Variants in IL20RB observed in about 807,000 individuals in gnomAD.
IL20RB encodes interleukin-20 receptor subunit beta.
In IL20RB, 21 loss-of-function variants were observed where a neutral mutation model predicts 33.3. The ratio of observed to expected loss-of-function variants is 0.63; its 90% CI spans 0.45 to 0.91. The LOEUF is 0.91. IL20RB is among the 40% of genes least tolerant of loss of function. The pLI is 0.00. For missense variants in IL20RB, 345 were observed against 384.8 expected, an observed-to-expected ratio of 0.90 and a Z score of 0.86; for synonymous variants, 147 against 146.8, an observed-to-expected ratio of 1.00 and a Z score of -0.01.
At chr3:136,980,126 C>T (rs1941730995) in intron 1 of IL20RB, among the ~76,000 whole-genome samples, 1 of 151,892 alleles carries the variant, frequency 6.6e-6, no homozygotes, top group Admixed American at 6.6e-5. Context: ...AGCACATGGT[C>T]TAGATAGAAC....
chr3:137,003,180 G>A (rs1056642450), intron 6 of IL20RB, among the ~76,000 whole-genome samples: 3 of 152,114 alleles, frequency 2.0e-5, no homozygotes, highest in South Asian at 2.1e-4. Context: ...TAGCCTTGTA[G>A]TACAGTTTGA....
intron 5 of IL20RB, among the ~76,000 whole-genome samples, chr3:136,993,230 C>G (rs901222991): frequency 1.3e-5 from 2 of 152,064 alleles, no homozygotes; most frequent in African/African-American, 2.4e-5. Context: ...TGAGTGTGCC[C>G]CATTCTCCTG....
At chr3:136,969,788 A>T (rs1334416238) in intron 1 of IL20RB, among the ~76,000 whole-genome samples, 3 of 151,446 alleles carry the variant, frequency 2.0e-5, no homozygotes, top group South Asian at 2.1e-4. Flanking sequence ...TTTTTTTTCC[A>T]CTTTGCAACT....
At chr3:136,994,242 A>G (rs1044909191) in intron 5 of IL20RB, among the ~76,000 whole-genome samples, 1 of 152,100 alleles carries the variant, frequency 6.6e-6, no homozygotes, top group South Asian at 2.1e-4. Flanking sequence ...GTCAACAATA[A>G]CCTAATTGTA....
intron 6 of IL20RB, among the ~76,000 whole-genome samples, chr3:137,004,264 T>A (rs903790724): frequency 6.6e-6 from 1 of 152,224 alleles, no homozygotes; most frequent in African/African-American, 2.4e-5. Context: ...GATATCAGGA[T>A]GATGCTGGCC....
chr3:136,958,118 A>G lies in IL20RB; in HGVS notation c.5A>G (p.Gln2Arg). Residue 2 changes from glutamine (Q) to arginine (R), a missense_variant, in exon 1 of 7, where the codon CAG becomes CGG. By Grantham distance (43) the Gln-to-Arg change is conservative. Coordinates refer to ENST00000329582, the MANE Select transcript of IL20RB (RefSeq NM_144717.4). The part of the protein sequence containing the change: M[Q>R]TFTMVLEEIW... ...AGGTCAAACTGAGTCTACCAAATGC[A>G]GACTTTCACAATGGTTCTAGAAGAA... The G allele has an allele frequency of 6.3e-7, 1 of 1,595,814 alleles. No individual in the cohort carries two copies. Among genetic ancestry groups the G allele is most frequent in the Non-Finnish European group, 8.6e-7 (1 of 1,163,698 alleles).
At chr3:136,962,068 A>G (rs548642321) in intron 1 of IL20RB, among the ~76,000 whole-genome samples, 9 of 152,214 alleles carry the variant, frequency 5.9e-5, no homozygotes, top group Non-Finnish European at 1.2e-4. Context: ...AATGGTGGAG[A>G]AGGAACAGCT....
intron 6 of IL20RB, among the ~76,000 whole-genome samples, chr3:137,004,444 C>A (rs1324041921): frequency 6.6e-6 from 1 of 152,134 alleles, no homozygotes; most frequent in Non-Finnish European, 1.5e-5. Flanking sequence ...AATTTTAGAG[C>A]CTGTTATTGA....
intron 1 of IL20RB, among the ~76,000 whole-genome samples, chr3:136,970,611 T>TTTCCTTCCTTCCTTCCTTCCTTCC (rs71134422): frequency 3.5e-5 from 5 of 142,136 alleles, no homozygotes; most frequent in South Asian, 2.4e-4. Flanking sequence ...GTTATTCTAG[T>TTTCCTTCCTTCCTTCCTTCCTTCC]TTCCTTCCTT....
intron 4 of IL20RB, among the ~76,000 whole-genome samples, chr3:136,990,665 C>T (rs977142250): frequency 3.9e-5 from 6 of 152,164 alleles, no homozygotes; most frequent in Non-Finnish European, 7.3e-5. Flanking sequence ...TTGCTGGTAG[C>T]CAGCTCGCCT....
rs545767417 is a variant in IL20RB at position 137,006,516 on chromosome 3, T to TATG, written c.826-3594_826-3592dup. 7.9e-4 allele frequency among the ~76,000 whole-genome samples: 120 copies of TATG among 152,284 alleles called. 1 individual carries two copies. Among genetic ancestry groups the TATG allele is most frequent in the African/African-American group, 2.5e-3 (105 of 41,558 alleles). ...TTGTTTTCTCACTTTATTTCATTAA[T>TATG]ATGATCTTCAGTGACTGATATCCTT... On this transcript the variant is annotated intron_variant, in intron 6 of 6. Coordinates refer to ENST00000329582, the MANE Select transcript of IL20RB (RefSeq NM_144717.4).
chr3:136,991,640 G>T lies in IL20RB; in HGVS notation c.532-298G>T, dbSNP rs147911173. Among the ~76,000 whole-genome samples, 46 of 152,216 alleles carry T rather than the reference G, an allele frequency of 3.0e-4. No homozygotes were observed. In the East Asian group the frequency reaches 6.2e-3, roughly 21 times the overall value. ...CTTTTATTTTTTGAGACAGAGTCTCGCTCTGTCGCCCAAGCTGGAGTGCAG... is the reference window on the plus strand; with the variant it reads ...CTTTTATTTTTTGAGACAGAGTCTCTCTCTGTCGCCCAAGCTGGAGTGCAG... On this transcript the variant is annotated intron_variant, in intron 4 of 6. Coordinates refer to ENST00000329582, the MANE Select transcript of IL20RB (RefSeq NM_144717.4).
intron 3 of IL20RB, among the ~76,000 whole-genome samples, chr3:136,982,844 G>C (rs540688815): frequency 6.6e-6 from 1 of 152,310 alleles, no homozygotes; most frequent in East Asian, 1.9e-4. Context: ...TTTTCTTTTG[G>C]AGTAGTACCT....
chr3:136,962,063 TGGA>T (rs1560063647), intron 1 of IL20RB, among the ~76,000 whole-genome samples: 1 of 152,074 alleles, frequency 6.6e-6, no homozygotes, highest in Non-Finnish European at 1.5e-5. Flanking sequence ...AAATAAATGG[TGGA>T]GAAGGAACAG....
At position 136,992,952 on chromosome 3, in the gene IL20RB, A is replaced by G. The variant is rs183884216; in HGVS notation, c.682+864A>G. On this transcript the variant is annotated intron_variant, in intron 5 of 6. Transcript: ENST00000329582. ...ATACACATTTTGTGCCTGCTTTTTC[A>G]CAAATATCATATCCATAACATTTTT... Among the ~76,000 whole-genome samples, 59 of 152,290 alleles carry G rather than the reference A, an allele frequency of 3.9e-4. 1 individual carries two copies. In the East Asian group the frequency reaches 0.011, roughly 28 times the overall value.
intron 3 of IL20RB, among the ~76,000 whole-genome samples, chr3:136,987,128 C>T (rs537366744): frequency 8.2e-4 from 124 of 151,862 alleles, no homozygotes; most frequent in African/African-American, 2.9e-3. Flanking sequence ...GGGACCCGAG[C>T]GGGTTGCCAC....
chr3:137,006,217 C>G (rs1044522393), intron 6 of IL20RB, among the ~76,000 whole-genome samples: 1 of 150,150 alleles, frequency 6.7e-6, no homozygotes, highest in African/African-American at 2.4e-5. Flanking sequence ...TCATTTCAAC[C>G]TTGGTGAATC....
chr3:136,987,537 C>T lies in IL20RB; in HGVS notation c.407-1904C>T, dbSNP rs533252140. ...CCAGCTGGCTTCACCCAGTGGATCCCGCACCAGGGCTGCCGGTGGAGCTGC... is the reference window on the plus strand; with the variant it reads ...CCAGCTGGCTTCACCCAGTGGATCCTGCACCAGGGCTGCCGGTGGAGCTGC... On this transcript the variant is annotated intron_variant, in intron 3 of 6. Transcript: ENST00000329582. Among the ~76,000 whole-genome samples, 25 of 152,384 alleles carry T rather than the reference C, an allele frequency of 1.6e-4. No homozygotes were observed. The South Asian group carries it at 4.3e-3, about 26-fold the overall frequency.
intron 1 of IL20RB, among the ~76,000 whole-genome samples, chr3:136,976,924 C>T (rs1213840828): frequency 6.6e-6 from 1 of 152,174 alleles, no homozygotes; most frequent in Non-Finnish European, 1.5e-5. Flanking sequence ...AATTCTCTCA[C>T]GGTCAGGACT....
Sources: gnomAD v4.1 joint callset for allele counts (sites outside exome capture counted in the v4.1 genomes callset) on GRCh38, gnomAD v4.1.1 for gene constraint, MANE v1.5 for transcripts, NCBI Gene and HGNC (gene_info 2026-07-23, HGNC 2026-07-21) for gene names.